NARS2: variants seen among roughly 807,000 people sequenced by gnomAD.
NARS2 encodes asparaginyl-tRNA synthetase.
NARS2 carries 60 observed loss-of-function variants against 62.9 expected under a neutral mutation model. That is an observed-to-expected ratio of 0.95 (90% CI 0.77 to 1.18). The LOEUF is 1.18. Ranked by LOEUF, NARS2 falls within the 50% of genes most tolerant of loss-of-function variation. The pLI, the probability that NARS2 is intolerant of heterozygous loss-of-function variation, is 0.00. For missense variants in NARS2, 619 were observed against 576.4 expected, an observed-to-expected ratio of 1.07 and a Z score of -0.76; for synonymous variants, 196 against 200.0, an observed-to-expected ratio of 0.98 and a Z score of 0.17.
chr11:78,503,839 G>A (rs1034124879), intron 6 of NARS2, among the ~76,000 whole-genome samples: 10 of 151,398 alleles, frequency 6.6e-5, no homozygotes, highest in African/African-American at 2.2e-4. Context: ...GGAGTAAGAA[G>A]GAGGAGGAGG....
intron 4 of NARS2, among the ~76,000 whole-genome samples, chr11:78,562,829 A>G (rs1035796316): frequency 6.6e-6 from 1 of 152,208 alleles, no homozygotes; most frequent in Non-Finnish European, 1.5e-5. Flanking sequence ...AAGTGTCTTA[A>G]AAGTACTGTT....
At chr11:78,548,214 C>G (rs535472970) in intron 5 of NARS2, among the ~76,000 whole-genome samples, 1 of 152,056 alleles carries the variant, frequency 6.6e-6, no homozygotes, top group South Asian at 2.1e-4. Flanking sequence ...AAAACTGTGA[C>G]TCAAAAACAA....
rs571946322 is a variant in NARS2, at chr11:78,454,906, C to T, written c.1164+10970G>A. Among the ~76,000 whole-genome samples the T allele has an allele frequency of 9.2e-5, 14 of 152,224 alleles. No individual in the cohort carries two copies. The South Asian group carries it at 2.7e-3, about 29-fold the overall frequency. The stretch of plus-strand genomic sequence containing the variant: ...TGCTGGGATCACAAGCATGAGCCAC[C>T]GTGCCCAGCCAGTCTCAGGTATTTT... On this transcript the variant is annotated intron_variant, in intron 11 of 13. Coordinates refer to ENST00000281038, the MANE Select transcript of NARS2 (RefSeq NM_024678.6).
chr11:78,533,037 A>T (rs1466337959), intron 5 of NARS2: 3 of 152,246 alleles, frequency 2.0e-5, no homozygotes, highest in African/African-American at 7.2e-5. Flanking sequence ...TTAAAATTGG[A>T]TTCTGGGCCT....
intron 6 of NARS2, among the ~76,000 whole-genome samples, chr11:78,493,891 A>G (rs1184633472): frequency 1.3e-5 from 2 of 152,124 alleles, no homozygotes; most frequent in Non-Finnish European, 2.9e-5. Flanking sequence ...AAGAAACCCC[A>G]CAGAAAATCT....
intron 6 of NARS2, among the ~76,000 whole-genome samples, chr11:78,524,925 T>C (rs190576561): frequency 3.2e-4 from 48 of 152,228 alleles, no homozygotes; most frequent in Non-Finnish European, 5.4e-4. Flanking sequence ...AACTGATAAA[T>C]TGTGTTACCT....
At chr11:78,459,090 T>G (rs1312130931) in intron 11 of NARS2, among the ~76,000 whole-genome samples, 1 of 152,062 alleles carries the variant, frequency 6.6e-6, no homozygotes, top group Non-Finnish European at 1.5e-5. Flanking sequence ...ACTTTTTGTA[T>G]TTTTAGTAAA....
intron 5 of NARS2, among the ~76,000 whole-genome samples, chr11:78,539,339 G>T (rs572294386): frequency 6.6e-6 from 1 of 152,254 alleles, no homozygotes; most frequent in South Asian, 2.1e-4. Flanking sequence ...TAAATTAGAT[G>T]TGAGGTTTGG....
intron 10 of NARS2, 132 bp from the exon 11 acceptor site, chr11:78,466,145 A>C (rs1228148260): frequency 2.3e-6 from 2 of 860,874 alleles, no homozygotes; most frequent in East Asian, 2.6e-5. Flanking sequence ...CTAGCTGCTA[A>C]GGTTACACAG....
At chr11:78,473,175 A>T (rs965107994) in intron 9 of NARS2, among the ~76,000 whole-genome samples, 1 of 152,174 alleles carries the variant, frequency 6.6e-6, no homozygotes, top group East Asian at 1.9e-4. Context: ...CTTAAAAACA[A>T]AAAGTCTAAA....
chr11:78,456,903 A>G (rs1858182632), intron 11 of NARS2, among the ~76,000 whole-genome samples: 1 of 152,232 alleles, frequency 6.6e-6, no homozygotes. Context: ...TCCCTTTCAA[A>G]TGATCAAATA....
intron 5 of NARS2, among the ~76,000 whole-genome samples, chr11:78,543,946 G>A (rs1015625257): frequency 6.2e-5 from 9 of 144,476 alleles, no homozygotes; most frequent in African/African-American, 1.9e-4. Context: ...CAGGAGAATC[G>A]CTTGAACCCG....
At chr11:78,512,875 C>A (rs1459865053) in intron 6 of NARS2, among the ~76,000 whole-genome samples, 1 of 152,112 alleles carries the variant, frequency 6.6e-6, no homozygotes, top group Non-Finnish European at 1.5e-5. Flanking sequence ...AAAATCACAT[C>A]ACGGAATATT....
rs1008956896 is a variant in NARS2, at chr11:78,486,996, A to G, written c.822+6067T>C. 2.6e-5 allele frequency among the ~76,000 whole-genome samples: 4 copies of G among 152,320 alleles called. No homozygotes were observed. In the East Asian group the frequency reaches 5.8e-4, roughly 22 times the overall value. On this transcript the variant is annotated intron_variant, in intron 7 of 13. Coordinates refer to ENST00000281038, the MANE Select transcript of NARS2 (RefSeq NM_024678.6). ...GGGCTCATTATCATAATGAAGACAA[A>G]AGAAGAAAGAATTAGTAAGTTTGAA...
At chr11:78,502,991 CAA>C (rs550751384) in intron 6 of NARS2, among the ~76,000 whole-genome samples, 5 of 82,940 alleles carry the variant, frequency 6.0e-5, no homozygotes, top group Admixed American at 1.4e-4. Context: ...GAGACTGTCT[CAA>C]AAAAAAAAAA....
chr11:78,456,598 AG>A, intron 11 of NARS2, among the ~76,000 whole-genome samples: 1 of 152,314 alleles, frequency 6.6e-6, no homozygotes, highest in East Asian at 1.9e-4. Context: ...TTGACTTCAC[AG>A]TATGTACTTT....
chr11:78,554,508 C>CGTGTGTGTGTGTGT (rs71046981), intron 5 of NARS2, among the ~76,000 whole-genome samples: 39,457 of 146,718 alleles, frequency 0.27, 5,552 homozygotes, highest in Non-Finnish European at 0.31. Flanking sequence ...GGCGTGTGTG[C>CGTGTGTGTGTGTGT]GTGTGTGTGT....
chr11:78,559,684 TC>T, intron 4 of NARS2, 65 bp from the exon 5 acceptor site: 1 of 1,072,986 alleles, frequency 9.3e-7, no homozygotes. Context: ...ACACACATCC[TC>T]TTATAGTATT....
intron 6 of NARS2, among the ~76,000 whole-genome samples, chr11:78,511,749 A>G (rs1860731463): frequency 6.6e-6 from 1 of 152,100 alleles, no homozygotes; most frequent in Admixed American, 6.5e-5. Flanking sequence ...TTGTCAAAAC[A>G]TGTATTTAAA....
Sources: gnomAD v4.1 joint callset for allele counts (sites outside exome capture counted in the v4.1 genomes callset) on GRCh38, gnomAD v4.1.1 for gene constraint, MANE v1.5 for transcripts, NCBI Gene and HGNC (gene_info 2026-07-23, HGNC 2026-07-21) for gene names.